The following NRP1 variants were observed in gnomAD, a reference collection of about 807,000 sequenced individuals.
NRP1 encodes neuropilin-1.
A neutral mutation model predicts 106.7 loss-of-function variants in NRP1; 35 were observed. That is an observed-to-expected ratio of 0.33 (90% CI 0.25 to 0.43). The LOEUF is 0.43. NRP1 is among the 20% of genes least tolerant of loss of function. The pLI, the probability that NRP1 is intolerant of heterozygous loss-of-function variation, is 1.00. For missense variants in NRP1, 1,024 were observed against 1,170.4 expected (o/e 0.87, Z 1.83); for synonymous variants, 437 against 417.9 (o/e 1.05, Z -0.56).
chr10:33,179,766 GAGGA>G lies in NRP1; in HGVS notation c.*306_*309del, dbSNP rs1835563355. 2 of 300,284 alleles carry G rather than the reference GAGGA, an allele frequency of 6.7e-6. No individual in the cohort carries two copies. Among genetic ancestry groups the G allele is most frequent in the Non-Finnish European group, 1.2e-5 (2 of 160,318 alleles). The allele number at this position is 300,284 out of a possible 1,614,324, so 18.6% of individuals were successfully genotyped here. A position where few individuals can be genotyped will look rare whatever the true frequency, so the allele number is the denominator to read the frequency against. On this transcript the variant is annotated 3_prime_UTR_variant, in exon 17 of 17. Coordinates refer to ENST00000374867, the MANE Select transcript of NRP1 (RefSeq NM_003873.7). Reference sequence around the variant, plus strand: ...TTCCAAAAAGAATCCACAAAGGGGAGAGGAGAGAGAGAGAGAGGGGCAGGAGGGG... The same window carrying G: ...TTCCAAAAAGAATCCACAAAGGGGAGGAGAGAGAGAGAGGGGCAGGAGGGG...
chr10:33,330,646 C>A, intron 2 of NRP1, 62 bp downstream of exon 2: 3 of 1,438,916 alleles, frequency 2.1e-6, no homozygotes, highest in East Asian at 2.4e-5. Flanking sequence ...ACTTCCCCCC[C>A]GTAGACAGGC....
At chr10:33,311,223 G>A (rs1846586460) in intron 2 of NRP1, among the ~76,000 whole-genome samples, 1 of 152,208 alleles carries the variant, frequency 6.6e-6, no homozygotes, top group African/African-American at 2.4e-5. Flanking sequence ...ATCTCAGAGG[G>A]TCTAGGACCC....
chr10:33,251,610 A>AT (rs915097932), intron 6 of NRP1, among the ~76,000 whole-genome samples: 6 of 151,792 alleles, frequency 4.0e-5, no homozygotes, highest in African/African-American at 7.3e-5. Context: ...ATGATTTGAG[A>AT]TTTTTTTTTC....
At chr10:33,326,248 G>A (rs1454686316) in intron 2 of NRP1, among the ~76,000 whole-genome samples, 1 of 152,152 alleles carries the variant, frequency 6.6e-6, no homozygotes, top group East Asian at 1.9e-4. Flanking sequence ...AAACTTTTAT[G>A]AGATTCAAGA....
intron 6 of NRP1, among the ~76,000 whole-genome samples, chr10:33,232,208 T>C (rs1248796969): frequency 2.0e-5 from 3 of 152,184 alleles, no homozygotes; most frequent in African/African-American, 4.8e-5. Context: ...CACCCCTCTA[T>C]GTTTTGGAGG....
At chr10:33,200,997 G>C (rs1442723455) in intron 11 of NRP1, 1 of 152,076 alleles carries the variant, frequency 6.6e-6, no homozygotes, top group Admixed American at 6.5e-5. Context: ...TGAGACAAAC[G>C]TGCTGATCTG....
At chr10:33,282,750 CTTT>C (rs899197034) in intron 2 of NRP1, among the ~76,000 whole-genome samples, 3 of 145,378 alleles carry the variant, frequency 2.1e-5, no homozygotes, top group Admixed American at 6.9e-5. Context: ...CTGAACTTTT[CTTT>C]TTTTTTTTTG....
At chr10:33,326,958 TAAA>T (rs1564493071) in intron 2 of NRP1, among the ~76,000 whole-genome samples, 1 of 152,138 alleles carries the variant, frequency 6.6e-6, no homozygotes, top group South Asian at 2.1e-4. Context: ...AAAATCTAAA[TAAA>T]AAATTTTTTT....
chr10:33,263,950 A>T, intron 3 of NRP1, 77 bp from the exon 4 acceptor site: 1 of 903,320 alleles, frequency 1.1e-6, no homozygotes. Context: ...CTGGGTAAAG[A>T]CAGAACATCT....
At chr10:33,233,534 C>A (rs371011293) in intron 6 of NRP1, among the ~76,000 whole-genome samples, 2 of 152,172 alleles carry the variant, frequency 1.3e-5, no homozygotes, top group East Asian at 3.9e-4. Flanking sequence ...AATATCACTG[C>A]TTTCTATAAT....
At chr10:33,316,961 G>C (rs924729739) in intron 2 of NRP1, among the ~76,000 whole-genome samples, 3 of 151,418 alleles carry the variant, frequency 2.0e-5, no homozygotes, top group Non-Finnish European at 2.9e-5. Context: ...TAATAAGAAA[G>C]AGAGAGAGAG....
At chr10:33,192,496 G>A (rs1836487797) in intron 12 of NRP1, 78 bp from the exon 13 acceptor site, 1 of 1,488,580 alleles carries the variant, frequency 6.7e-7, no homozygotes. Context: ...AAAGGCCCTT[G>A]GTTCACTCAT....
At chr10:33,198,598 G>A (rs1005500849) in intron 11 of NRP1, among the ~76,000 whole-genome samples, 10 of 152,064 alleles carry the variant, frequency 6.6e-5, no homozygotes, top group African/African-American at 9.7e-5. Flanking sequence ...CTCTGAAAAA[G>A]CAAAGCCACC....
rs183319852 is a variant in NRP1 at position 33,321,774 on chromosome 10, T to G, written c.248+8934A>C. Among the ~76,000 whole-genome samples the G allele has an allele frequency of 7.9e-5, 12 of 152,302 alleles. No individual in the cohort carries two copies. In the East Asian group the frequency reaches 2.3e-3, roughly 29 times the overall value. ...ACTGGCCTTTGCTATCTTCGGCTAT[T>G]CTGGAGAAATATGAGAACTTGAATT... is the stretch of plus-strand genomic sequence containing the variant. On this transcript the variant is annotated intron_variant, in intron 2 of 16. Transcript: ENST00000374867.
intron 2 of NRP1, among the ~76,000 whole-genome samples, chr10:33,311,587 G>A (rs1328535599): frequency 1.3e-5 from 2 of 152,106 alleles, no homozygotes; most frequent in East Asian, 1.9e-4. Flanking sequence ...ATACTGGTTG[G>A]TCAATAAATA....
intron 7 of NRP1, among the ~76,000 whole-genome samples, chr10:33,224,608 T>G (rs1390967803): frequency 3.9e-5 from 6 of 151,908 alleles, no homozygotes; most frequent in Non-Finnish European, 5.9e-5. Flanking sequence ...TGTATAGGTT[T>G]GTTACACAGG....
At chr10:33,201,472 G>C (rs1837301237) in intron 11 of NRP1, 1 of 152,166 alleles carries the variant, frequency 6.6e-6, no homozygotes, top group South Asian at 2.1e-4. Context: ...TCTGTAAAAA[G>C]CCTGAGGTTT....
intron 2 of NRP1, among the ~76,000 whole-genome samples, chr10:33,305,891 C>T (rs898739508): frequency 1.1e-4 from 16 of 152,074 alleles, no homozygotes; most frequent in Non-Finnish European, 1.6e-4. Flanking sequence ...GCCTCAGCCT[C>T]CCGAGTAGCT....
At position 33,180,273 on chromosome 10, in the gene NRP1, T is replaced by C; in HGVS notation, c.2575A>G (p.Ile859Val). The C allele has an allele frequency of 6.2e-7, 1 of 1,614,080 alleles. No individual in the cohort carries two copies. Among genetic ancestry groups the C allele is most frequent in the Non-Finnish European group, 8.5e-7 (1 of 1,180,004 alleles). Residue 859 changes from isoleucine (I) to valine (V), a missense_variant, in exon 17 of 17, where the codon ATC (isoleucine) becomes GTC (valine). By Grantham distance (29) the Ile-to-Val change is conservative. Coordinates refer to ENST00000374867, the MANE Select transcript of NRP1 (RefSeq NM_003873.7). ...NVLKTLDPIL[I>V]TIIAMSALGV... ...AGGGCACTCATGGCTATGATGGTGA[T>C]GAGGATGGGGTCTAAGGTCTTCAAC...
Sources: gnomAD v4.1 joint callset for allele counts (sites outside exome capture counted in the v4.1 genomes callset) on GRCh38, gnomAD v4.1.1 for gene constraint, MANE v1.5 for transcripts, NCBI Gene and HGNC (gene_info 2026-07-23, HGNC 2026-07-21) for gene names.